NTAQ1: variants seen among roughly 807,000 people sequenced by gnomAD.
NTAQ1 encodes N-terminal glutamine amidase 1.
Under a neutral mutation model 28.2 loss-of-function variants are expected in NTAQ1, and 21 were observed. The observed-to-expected ratio is 0.74, with a 90% confidence interval of 0.53 to 1.07. The LOEUF is 1.07. NTAQ1 is among the 50% of genes least tolerant of loss of function. NTAQ1 has a pLI of 0.00. For missense variants in NTAQ1, 264 were observed against 256.6 expected (o/e 1.03, Z -0.20); for synonymous variants, 105 against 90.0 (o/e 1.17, Z -0.94).
At chr8:123,440,781 G>A (rs1030551566) in intron 5 of NTAQ1, among the ~76,000 whole-genome samples, 3 of 152,148 alleles carry the variant, frequency 2.0e-5, no homozygotes, top group African/African-American at 7.2e-5. Context: ...GATTACAGGT[G>A]TGAGCCAACA....
At chr8:123,456,135 A>G (rs1815643807) in intron 6 of NTAQ1, among the ~76,000 whole-genome samples, 3 of 152,334 alleles carry the variant, frequency 2.0e-5, no homozygotes, top group South Asian at 4.1e-4. Flanking sequence ...TGCATCTCCA[A>G]TGCCAAACCC....
At chr8:123,432,289 T>TAA (rs1290292958) in intron 3 of NTAQ1, among the ~76,000 whole-genome samples, 3 of 152,220 alleles carry the variant, frequency 2.0e-5, no homozygotes, top group African/African-American at 4.8e-5. Flanking sequence ...GCTAAATGGA[T>TAA]AAAAGTCTAT....
chr8:123,439,824 C>T (rs1036903002), intron 5 of NTAQ1, among the ~76,000 whole-genome samples: 6 of 151,578 alleles, frequency 4.0e-5, no homozygotes, highest in African/African-American at 1.5e-4. Context: ...CGTGGTGGTG[C>T]ACGCCTGTAA....
chr8:123,465,853 GA>G (rs1310464395), intron 6 of NTAQ1, among the ~76,000 whole-genome samples: 1 of 152,054 alleles, frequency 6.6e-6, no homozygotes, highest in African/African-American at 2.4e-5. Context: ...AAAGTGTTGG[GA>G]TTACAGGTGT....
At chr8:123,456,786 T>G (rs1010256255) in intron 6 of NTAQ1, among the ~76,000 whole-genome samples, 2 of 152,336 alleles carry the variant, frequency 1.3e-5, no homozygotes, top group East Asian at 1.9e-4. Flanking sequence ...ACGAATCAAT[T>G]TTTTTCAATT....
At chr8:123,449,929 ATG>A (rs368162793), downstream of NTAQ1, among the ~76,000 whole-genome samples, 32 of 66,692 alleles carry the variant, frequency 4.8e-4, 2 homozygotes, top group South Asian at 5.2e-3. Context: ...GTATATATAT[ATG>A]TGTGTGTGTG....
chr8:123,428,463 G>A lies in NTAQ1; in HGVS notation c.183+440G>A, dbSNP rs760835104. The stretch of plus-strand genomic sequence containing the variant: ...TCCTCCCACCTCAGCCCCCCAAAGT[G>A]CTGGGAGTACAGGTGTGAGCCACCA... On this transcript the variant is annotated intron_variant, in intron 2 of 5. Transcript: ENST00000287387. 1.2e-4 allele frequency among the ~76,000 whole-genome samples: 18 copies of A among 152,256 alleles called. No homozygotes were observed. In the South Asian group the frequency reaches 1.9e-3, roughly 16 times the overall value.
intron 6 of NTAQ1, among the ~76,000 whole-genome samples, chr8:123,465,182 CA>C (rs1815931684): frequency 1.3e-5 from 2 of 152,160 alleles, no homozygotes; most frequent in Non-Finnish European, 2.9e-5. Context: ...TGGCTTTCCC[CA>C]TTGATAATGT....
chr8:123,441,268 GT>G (rs1195668246), intron 5 of NTAQ1, 37 bp from the exon 6 acceptor site: 15 of 1,547,688 alleles, frequency 9.7e-6, no homozygotes, highest in Non-Finnish European at 1.2e-5. Flanking sequence ...CCAAAATTGT[GT>G]TTTCAGTGGA....
At chr8:123,434,136 C>A (rs564186118) in intron 3 of NTAQ1, among the ~76,000 whole-genome samples, 2 of 151,172 alleles carry the variant, frequency 1.3e-5, no homozygotes. Flanking sequence ...CCTGCTCCTG[C>A]CTGCATTGCT....
downstream of NTAQ1, among the ~76,000 whole-genome samples, chr8:123,474,748 G>C (rs1816073319): frequency 6.6e-6 from 1 of 152,096 alleles, no homozygotes; most frequent in South Asian, 2.1e-4. Context: ...CTACCAAAAA[G>C]TGGTGGTGTG....
At chr8:123,467,115 G>A (rs149259844) in exon 7 of NTAQ1, 3 of 148,778 alleles carry the variant, frequency 2.0e-5, no homozygotes, top group South Asian at 2.1e-4. Context: ...GCGTGATCCC[G>A]GCTCACTGCA....
intron 5 of NTAQ1, 29 bp downstream of exon 5, chr8:123,437,363 G>A (rs1483674825): frequency 1.2e-6 from 2 of 1,612,732 alleles, no homozygotes; most frequent in Non-Finnish European, 1.7e-6. Context: ...TCAGATGGGG[G>A]TTCTGATTGA....
At chr8:123,420,334 G>A in intron 1 of NTAQ1, among the ~76,000 whole-genome samples, 1 of 152,094 alleles carries the variant, frequency 6.6e-6, no homozygotes. Flanking sequence ...AGGTGCCTAG[G>A]TTGATTCTAC....
intron 6 of NTAQ1, among the ~76,000 whole-genome samples, chr8:123,462,978 T>G (rs557257172): frequency 6.6e-6 from 1 of 152,312 alleles, no homozygotes; most frequent in East Asian, 1.9e-4. Flanking sequence ...GAAATACATC[T>G]TAATGAATGC....
intron 1 of NTAQ1, among the ~76,000 whole-genome samples, chr8:123,424,774 C>G (rs994206426): frequency 1.3e-5 from 2 of 152,196 alleles, no homozygotes; most frequent in African/African-American, 4.8e-5. Context: ...TATACCTCTT[C>G]CCATATCCCT....
At chr8:123,444,898 G>A (rs1239316409), downstream of NTAQ1, among the ~76,000 whole-genome samples, 1 of 152,168 alleles carries the variant, frequency 6.6e-6, no homozygotes, top group African/African-American at 2.4e-5. Flanking sequence ...AAGCAAATAT[G>A]AAAATATAAA....
At chr8:123,444,637 GC>G (rs1218995770), downstream of NTAQ1, among the ~76,000 whole-genome samples, 3 of 152,326 alleles carry the variant, frequency 2.0e-5, no homozygotes, top group Non-Finnish European at 1.5e-5. Flanking sequence ...CTCCTGAGTA[GC>G]TGGGACCACA....
upstream of NTAQ1, chr8:123,416,735 C>G (rs959506267): frequency 6.5e-5 from 68 of 1,054,010 alleles, no homozygotes; most frequent in Admixed American, 1.1e-4. Context: ...CCTCTCCCCC[C>G]GGGCTCCGCC....
Sources: allele counts gnomAD v4.1 joint callset (sites outside exome capture counted in the v4.1 genomes callset), GRCh38; gene constraint gnomAD v4.1.1; transcripts MANE v1.5; gene names NCBI Gene and HGNC (gene_info 2026-07-23, HGNC 2026-07-21).